Variants in RBFOX1 observed in about 807,000 individuals in gnomAD.
RBFOX1 encodes RNA binding protein fox-1 homolog 1.
In RBFOX1, 8 loss-of-function variants were observed where a neutral mutation model predicts 57.7. That is an observed-to-expected ratio of 0.14 (90% confidence interval 0.08 to 0.25). The LOEUF (loss-of-function observed/expected upper bound fraction) is 0.25. Ranked by LOEUF, RBFOX1 falls within the 10% of genes least tolerant of loss-of-function variation. The probability of loss-of-function intolerance (pLI) is 1.00; values close to 1 mark genes in which losing one functional copy is unlikely to be tolerated. For synonymous variants in RBFOX1, 326 were observed against 222.4 expected, an observed-to-expected ratio of 1.47 and a Z score of -4.15; for missense variants, 611 against 548.5, an observed-to-expected ratio of 1.11 and a Z score of -1.14.
rs55753003 is a variant in RBFOX1 at position 5,575,850 on chromosome 16, C to CAA, written c.259-23043_259-23042dup. 5.2e-3 allele frequency among the ~76,000 whole-genome samples: 788 copies of CAA among 150,338 alleles called. 6 individuals are homozygous for CAA. Among genetic ancestry groups the CAA allele is most frequent in the East Asian group, 0.021 (109 of 5,126 alleles). ...CCAGGACACTGAATTTTCTCTCATT[C>CAA]AAAAAAAAAATAGCATCAAAAGCTG... On this transcript the variant is annotated intron_variant, in intron 2 of 2. Transcript: ENST00000585867.
chr16:6,177,791 A>G (rs1598096873), intron 1 of RBFOX1, among the ~76,000 whole-genome samples: 2 of 152,216 alleles, frequency 1.3e-5, no homozygotes, highest in East Asian at 3.9e-4. Context: ...TTTCATACTC[A>G]TTGTGGACAC....
At chr16:5,636,720 C>T (rs2108996) in intron 3 of RBFOX1, among the ~76,000 whole-genome samples, 131,747 of 152,210 alleles carry the variant, frequency 0.87, 57,434 homozygotes, top group Non-Finnish European at 0.91. Flanking sequence ...TAGGGAACTC[C>T]GGGCAGTGGA....
chr16:5,873,257 C>A (rs1293582482), intron 4 of RBFOX1, among the ~76,000 whole-genome samples: 1 of 152,154 alleles, frequency 6.6e-6, no homozygotes, highest in Non-Finnish European at 1.5e-5. Context: ...GCTGTGCTAC[C>A]TTTGCAACAT....
intron 1 of RBFOX1, among the ~76,000 whole-genome samples, chr16:6,265,930 A>G (rs17139725): frequency 0.026 from 3,906 of 152,240 alleles, 111 homozygotes; most frequent in African/African-American, 0.07. Flanking sequence ...CACATGCAGC[A>G]TCCTTCCTGG....
chr16:7,583,984 C>T (rs1474298221), intron 6 of RBFOX1, among the ~76,000 whole-genome samples: 2 of 152,142 alleles, frequency 1.3e-5, no homozygotes, highest in Admixed American at 1.3e-4. Flanking sequence ...ACGGGCTTGC[C>T]TGTACTTATG....
chr16:5,419,362 G>A (rs1304411437), intron 1 of RBFOX1, among the ~76,000 whole-genome samples: 1 of 152,114 alleles, frequency 6.6e-6, no homozygotes, highest in African/African-American at 2.4e-5. Flanking sequence ...TCCAGCACGA[G>A]AGAAAGATGT....
At chr16:5,279,948 C>G (rs2063232757) in intron 1 of RBFOX1, among the ~76,000 whole-genome samples, 1 of 152,180 alleles carries the variant, frequency 6.6e-6, no homozygotes, top group South Asian at 2.1e-4. Context: ...TGTCTGATCA[C>G]TCTGGCTTGG....
intron 3 of RBFOX1, among the ~76,000 whole-genome samples, chr16:5,799,660 T>C (rs1395128688): frequency 1.3e-5 from 2 of 152,170 alleles, no homozygotes; most frequent in East Asian, 3.9e-4. Context: ...GTTCTGAGTG[T>C]GTTCAAGGTA....
chr16:6,119,921 G>C (rs574619449), intron 1 of RBFOX1, among the ~76,000 whole-genome samples: 1 of 152,194 alleles, frequency 6.6e-6, no homozygotes, highest in African/African-American at 2.4e-5. Flanking sequence ...CCTGTATCCA[G>C]TAAGCAGTCA....
intron 3 of RBFOX1, among the ~76,000 whole-genome samples, chr16:5,730,120 A>G (rs1326666632): frequency 6.6e-6 from 1 of 152,190 alleles, no homozygotes; most frequent in African/African-American, 2.4e-5. Flanking sequence ...TGTCTGGGGA[A>G]TTTAGGTTTT....
chr16:5,780,029 A>G (rs754310559), intron 3 of RBFOX1, among the ~76,000 whole-genome samples: 11 of 152,246 alleles, frequency 7.2e-5, no homozygotes, highest in Non-Finnish European at 1.2e-4. Flanking sequence ...TTCAAGACGG[A>G]GTCTTGCTGT....
rs533634181 is a variant in RBFOX1, at chr16:7,313,235, T to C, written c.28-204912T>C. Reference sequence around the variant, plus strand: ...GGTTCCCTCAACCAAATAATCTGTATAAAACTATGCAATTTTTTGTTTGTT... The same window carrying C: ...GGTTCCCTCAACCAAATAATCTGTACAAAACTATGCAATTTTTTGTTTGTT... On this transcript the variant is annotated intron_variant, in intron 4 of 15. Transcript: ENST00000550418. Among the ~76,000 whole-genome samples the C allele has an allele frequency of 5.3e-5, 8 of 152,322 alleles. 1 individual carries two copies. Among genetic ancestry groups the C allele is most frequent in the African/African-American group, 1.9e-4 (8 of 41,580 alleles).
At chr16:6,895,418 A>ATGTGTGTGTGTG (rs139075559) in intron 3 of RBFOX1, among the ~76,000 whole-genome samples, 8 of 86,922 alleles carry the variant, frequency 9.2e-5, no homozygotes, top group African/African-American at 3.6e-4. Flanking sequence ...TTAGTAATAT[A>ATGTGTGTGTGTG]TGTGTGTGTG....
At chr16:6,085,946 C>A (rs1023318701) in intron 1 of RBFOX1, among the ~76,000 whole-genome samples, 1 of 152,096 alleles carries the variant, frequency 6.6e-6, no homozygotes, top group Non-Finnish European at 1.5e-5. Context: ...GCCCCACATG[C>A]ATTAGCCATT....
At chr16:6,990,918 C>A (rs1297440420) in intron 3 of RBFOX1, among the ~76,000 whole-genome samples, 3 of 152,028 alleles carry the variant, frequency 2.0e-5, no homozygotes, top group Admixed American at 2.0e-4. Flanking sequence ...GTGACTCTCG[C>A]AATTTATTGC....
rs928803742 is a variant in RBFOX1 at position 6,019,702 on chromosome 16, CAG to C, written c.-410_-409del. ...GAGAACTCCGAGCTTCTTGCCCAGG[CAG>C]AGAGAGCAGGAGCGGACCGCGCGCC... On this transcript the variant is annotated 5_prime_UTR_variant, in exon 1 of 16. Transcript: ENST00000550418. This position sits in a 1 kb window ranked among gnomAD's most constrained non-coding sequence, Gnocchi z 4.2. The C allele has an allele frequency of 3.7e-6, 5 of 1,346,448 alleles. No individual in the cohort carries two copies. The Admixed American group carries it at 1.0e-4, about 27-fold the overall frequency. 83.4% of individuals were successfully genotyped at this position (1,346,448 alleles called of 1,614,324 possible).
chr16:6,107,752 G>A (rs938182102), intron 1 of RBFOX1, among the ~76,000 whole-genome samples: 2 of 150,854 alleles, frequency 1.3e-5, no homozygotes, highest in Admixed American at 1.3e-4. Context: ...TGGATGGATG[G>A]GTGTTTGGAT....
chr16:6,557,064 C>CATAT (rs1567672406), intron 2 of RBFOX1, among the ~76,000 whole-genome samples: 5 of 141,220 alleles, frequency 3.5e-5, no homozygotes, highest in Admixed American at 7.2e-5. Flanking sequence ...TACATATATA[C>CATAT]ATACATATAT....
intron 1 of RBFOX1, among the ~76,000 whole-genome samples, chr16:6,276,281 G>T (rs997176787): frequency 2.0e-5 from 3 of 152,134 alleles, no homozygotes; most frequent in African/African-American, 7.2e-5. Flanking sequence ...GGAAGTGGTC[G>T]TTTTTTGTCC....
Sources: allele counts gnomAD v4.1 joint callset (sites outside exome capture counted in the v4.1 genomes callset), GRCh38; gene constraint gnomAD v4.1.1; non-coding constraint Gnocchi (gnomAD v3.1); transcripts MANE v1.5; gene names NCBI Gene and HGNC (gene_info 2026-07-23, HGNC 2026-07-21).